Variants in DNAH10 observed in about 807,000 individuals in gnomAD.
The protein encoded by DNAH10 is axonemal beta dynein heavy chain 10.
Under a neutral mutation model 506.6 loss-of-function variants are expected in DNAH10, and 348 were observed. The observed-to-expected ratio is 0.69, with a 90% CI of 0.63 to 0.75. The LOEUF (loss-of-function observed/expected upper bound fraction) is 0.75. Among genes scored for constraint, DNAH10 ranks in the 30% least tolerant of loss-of-function variants. The pLI, the probability that DNAH10 is intolerant of heterozygous loss-of-function variation, is 0.00. For synonymous variants in DNAH10, 2,059 were observed against 2,198.6 expected, an observed-to-expected ratio of 0.94 and a Z score of 1.78; for missense variants, 5,179 against 5,787.1, an observed-to-expected ratio of 0.89 and a Z score of 3.41.
Position 123,903,582 on chromosome 12 carries a change from A to G in DNAH10, c.9815+469A>G, listed in dbSNP as rs7975815. Among the ~76,000 whole-genome samples the G allele has an allele frequency of 0.038, 5,734 of 152,246 alleles. 165 individuals carry two copies. The highest frequency in any genetic ancestry group is 0.079 in the African/African-American group (3,274 of 41,522). On this transcript the variant is annotated intron_variant, in intron 57 of 78. Transcript: ENST00000673944. This position sits in a 1 kb window ranked among gnomAD's most constrained non-coding sequence, Gnocchi z 4.6. ...TCAAGGAGGGTGAGAGTAGGTCACTATTGAGGCCCCCATACATCTTGCAAA... is the reference window on the plus strand; with the variant it reads ...TCAAGGAGGGTGAGAGTAGGTCACTGTTGAGGCCCCCATACATCTTGCAAA...
intron 53 of DNAH10, 47 bp downstream of exon 53, chr12:123,893,483 G>A (rs763955992): frequency 6.2e-7 from 1 of 1,606,912 alleles, no homozygotes; most frequent in Admixed American, 1.7e-5. Flanking sequence ...CTTTGGCAGA[G>A]TGTGTGGCTG....
At position 123,916,320 on chromosome 12, in the gene DNAH10, T is replaced by G; in HGVS notation, c.10723-137T>G. On this transcript the variant is annotated intron_variant, in intron 62 of 78. Coordinates refer to ENST00000673944, the MANE Select transcript of DNAH10 (RefSeq NM_001372106.1). The surrounding 1 kb of genome is among the most constrained non-coding windows in gnomAD (Gnocchi z 4.6). ...GGTGTATATGCGTTATACCCCTTGCTTCTCTCTTCTTTTCACCTCTGGCCC... is the reference window on the plus strand; with the variant it reads ...GGTGTATATGCGTTATACCCCTTGCGTCTCTCTTCTTTTCACCTCTGGCCC... 1 of 1,117,232 alleles carries G rather than the reference T, an allele frequency of 9.0e-7. No homozygotes were observed. Among genetic ancestry groups the G allele is most frequent in the Non-Finnish European group, 1.3e-6 (1 of 783,150 alleles). The allele number at this position is 1,117,232 out of a possible 1,614,324, so 69.2% of individuals were successfully genotyped here. A position where few individuals can be genotyped will look rare whatever the true frequency, so the allele number is the denominator to read the frequency against.
At chr12:123,921,935 G>T (rs112421376) in intron 65 of DNAH10, among the ~76,000 whole-genome samples, 4 of 151,256 alleles carry the variant, frequency 2.6e-5, no homozygotes, top group Non-Finnish European at 4.4e-5. Flanking sequence ...GGCTGGTCTC[G>T]AACTCTTGAT....
intron 47 of DNAH10, among the ~76,000 whole-genome samples, chr12:123,876,118 G>A (rs60592506): frequency 0.033 from 5,031 of 152,216 alleles, 241 homozygotes; most frequent in African/African-American, 0.11. Flanking sequence ...CTGCACACTC[G>A]GAGGCTCCAG....
intron 51 of DNAH10, among the ~76,000 whole-genome samples, chr12:123,883,908 C>T (rs1952616734): frequency 6.6e-6 from 1 of 152,118 alleles, no homozygotes; most frequent in Admixed American, 6.5e-5. Flanking sequence ...AGCCTCAGTT[C>T]TTCTCAGATG....
chr12:123,811,769 C>T (rs1320906713), intron 19 of DNAH10, among the ~76,000 whole-genome samples: 1 of 152,048 alleles, frequency 6.6e-6, no homozygotes, highest in African/African-American at 2.4e-5. Context: ...TCCCAAAGTG[C>T]TGGGATTACA....
rs745615998 is a variant in DNAH10 at position 123,813,605 on chromosome 12, A to G, written c.3586A>G (p.Lys1196Glu). 1.9e-6 allele frequency: 3 copies of G among 1,614,216 alleles called. No individual in the cohort carries two copies. The highest frequency in any genetic ancestry group is 3.3e-4 in the Middle Eastern group (2 of 6,062). The change falls in exon 20 of 79, where the codon AAA becomes GAA. Residue 1196 changes from lysine (K) to glutamate (E), a missense_variant. By Grantham distance (56) the Lys-to-Glu change is moderately conservative (BLOSUM62 1). This residue lies in a region of DNAH10 where 4,844 missense variants were observed against 5,430.5 expected (regional missense o/e 0.89). Transcript: ENST00000673944. ...SLGKLLNESA[K>E]EELYNLHEEM... ...TGGAAAACTTCTCAATGAGTCAGCA[A>G]AAGAGGAGCTCTATAATCTCCATGA... is the stretch of plus-strand genomic sequence containing the variant.
chr12:123,821,670 T>G (rs113574361), intron 24 of DNAH10, among the ~76,000 whole-genome samples: 4 of 152,300 alleles, frequency 2.6e-5, no homozygotes, highest in South Asian at 4.1e-4. Context: ...AATGACAATT[T>G]TTTTTTTATG....
At chr12:123,791,071 G>A (rs955002598) in intron 11 of DNAH10, among the ~76,000 whole-genome samples, 1 of 152,062 alleles carries the variant, frequency 6.6e-6, no homozygotes, top group African/African-American at 2.4e-5. Context: ...AGGTCACAGT[G>A]AGCTGGCTGA....
chr12:123,830,759 A>C lies in DNAH10; in HGVS notation c.4545+60A>C, dbSNP rs1960458514. 11 of 1,494,710 alleles carry C rather than the reference A, an allele frequency of 7.4e-6. No homozygotes were observed. The East Asian group carries it at 2.4e-4, about 32-fold the overall frequency. The allele number at this position is 1,494,710 out of a possible 1,614,324, so 92.6% of individuals were successfully genotyped here. A position where few individuals can be genotyped will look rare whatever the true frequency, so the allele number is the denominator to read the frequency against. ...AGTCTTTTTTTAATTCAAAGAGAAA[A>C]TAGGGAGAACTCATCTATACTAAAA... On this transcript the variant is annotated intron_variant, in intron 26 of 78. Coordinates refer to ENST00000673944, the MANE Select transcript of DNAH10 (RefSeq NM_001372106.1).
At chr12:123,814,557 C>T (rs1400806241) in intron 21 of DNAH10, among the ~76,000 whole-genome samples, 1 of 150,822 alleles carries the variant, frequency 6.6e-6, no homozygotes, top group African/African-American at 2.4e-5. Flanking sequence ...CTGATTTATT[C>T]ATAGCAATTT....
At chr12:123,800,052 C>T (rs986122373) in intron 14 of DNAH10, among the ~76,000 whole-genome samples, 164 bp from the exon 15 acceptor site, 4 of 152,216 alleles carry the variant, frequency 2.6e-5, no homozygotes, top group African/African-American at 9.6e-5. Flanking sequence ...TCAAAATCTC[C>T]GTTCACCAAA....
At position 123,914,911 on chromosome 12, in the gene DNAH10, C is replaced by G. The variant is rs984246595; in HGVS notation, c.10634C>G (p.Thr3545Ser). The change falls in exon 62 of 79, where the codon ACC (threonine) becomes AGC (serine). Residue 3545 changes from threonine to serine, a missense_variant. Transcript: ENST00000673944. ...TCCGTTCAGAATGGCATCCTCACCA[C>G]CCGGGCCAGCCGCTTCCCTCTGTGT... is the stretch of plus-strand genomic sequence containing the variant. ...ELSVQNGILT[T>S]RASRFPLCID... 6.8e-6 allele frequency: 11 copies of G among 1,613,214 alleles called. No homozygotes were observed. The African/African-American group carries it at 1.2e-4, about 18-fold the overall frequency.
chr12:123,833,407 T>G (rs1443910710), intron 27 of DNAH10, 60 bp downstream of exon 27: 1 of 1,335,938 alleles, frequency 7.5e-7, no homozygotes, highest in Non-Finnish European at 1.0e-6. Flanking sequence ...GGCTTTTATA[T>G]GAGGATATTT....
intron 57 of DNAH10, among the ~76,000 whole-genome samples, chr12:123,908,933 C>T (rs1358481274): frequency 2.6e-5 from 4 of 152,074 alleles, no homozygotes; most frequent in Non-Finnish European, 5.9e-5. Context: ...AGGAATCAGC[C>T]GAGGGTGTAA....
At position 123,934,724 on chromosome 12, in the gene DNAH10, C is replaced by A. The variant is rs772783207; in HGVS notation, c.13581C>A (p.Ile4527=). 1 of 1,613,820 alleles carries A rather than the reference C, an allele frequency of 6.2e-7. No homozygotes were observed. The highest frequency in any genetic ancestry group is 1.3e-5 in the African/African-American group (1 of 74,924). ...KPKVLVVDLP[I]LKIIPIEAHR... ...AGGTGCTGGTTGTGGACCTGCCGAT[C>A]CTGAAGATCATCCCCATTGAAGCCC... Residue 4527 remains isoleucine, a synonymous_variant, in exon 78 of 79, where the codon ATC becomes ATA. Coordinates refer to ENST00000673944, the MANE Select transcript of DNAH10 (RefSeq NM_001372106.1).
Position 123,887,244 on chromosome 12 carries a change from T to C in DNAH10, c.8926T>C (p.Phe2976Leu). The change falls in exon 52 of 79, where the codon TTT becomes CTT. Residue 2976 changes from phenylalanine to leucine, a missense_variant. Phe to Leu is a conservative substitution (Grantham distance 22). Coordinates refer to ENST00000673944, the MANE Select transcript of DNAH10 (RefSeq NM_001372106.1). ...TGGGATTGAGAACAAAGCGATGATC[T>C]TTCTGTTCACGGATGCCCATGTGGC... ...KLGIENKAMI[F>L]LFTDAHVAEE... 6.2e-7 allele frequency: 1 copy of C among 1,614,018 alleles called. No homozygotes were observed. Among genetic ancestry groups the C allele is most frequent in the Non-Finnish European group, 8.5e-7 (1 of 1,179,888 alleles).
chr12:123,931,308 C>G (rs1955193246), intron 73 of DNAH10, 33 bp from the exon 74 acceptor site: 1 of 1,610,020 alleles, frequency 6.2e-7, no homozygotes, highest in Admixed American at 1.7e-5. Context: ...GGTGGCTGGA[C>G]AGTGCCACCT....
At chr12:123,795,737 C>T (rs1405420219) in intron 12 of DNAH10, among the ~76,000 whole-genome samples, 12 of 152,096 alleles carry the variant, frequency 7.9e-5, no homozygotes, top group Non-Finnish European at 1.3e-4. Context: ...CTTTGGGAGG[C>T]GAGGCCATCA....
Sources: allele counts gnomAD v4.1 joint callset (sites outside exome capture counted in the v4.1 genomes callset), GRCh38; gene constraint gnomAD v4.1.1; regional missense constraint gnomAD v4.1.1; non-coding constraint Gnocchi (gnomAD v3.1); transcripts MANE v1.5; gene names NCBI Gene and HGNC (gene_info 2026-07-23, HGNC 2026-07-21).